SMYD4: variants seen among roughly 807,000 people sequenced by gnomAD.
SMYD4 encodes SET and MYND domain containing 4, also known as protein-lysine N-methyltransferase SMYD4.
SMYD4 carries 68 observed loss-of-function variants against 72.8 expected under a neutral mutation model. That is an observed-to-expected ratio of 0.93 (90% CI 0.77 to 1.14). SMYD4 has a LOEUF of 1.14. SMYD4 is among the 50% of genes most tolerant of loss of function. The probability of loss-of-function intolerance (pLI) is 0.00; values close to 1 mark genes in which losing one functional copy is unlikely to be tolerated. For synonymous variants in SMYD4, 407 were observed against 388.6 expected (o/e 1.05, Z -0.56); for missense variants, 984 against 1,003.7 (o/e 0.98, Z 0.27).
At chr17:1,792,233 G>C (rs777809747) in intron 5 of SMYD4, among the ~76,000 whole-genome samples, 1 of 151,824 alleles carries the variant, frequency 6.6e-6, no homozygotes, top group African/African-American at 2.4e-5. Flanking sequence ...TAGTAGAGAC[G>C]GGGTTTCACG....
intron 4 of SMYD4, among the ~76,000 whole-genome samples, chr17:1,801,247 C>CT (rs1336739812): frequency 3.0e-4 from 19 of 63,264 alleles, no homozygotes; most frequent in East Asian, 2.2e-3. Context: ...TAAATTTTTT[C>CT]TTTTTTTTTG....
At position 1,801,013 on chromosome 17, in the gene SMYD4, T is replaced by C. The variant is rs1239914103; in HGVS notation, c.381A>G (p.Lys127=). The change falls in exon 5 of 11, where the codon AAA becomes AAG. Residue 127 remains lysine, a synonymous_variant. Transcript: ENST00000305513. Reference sequence around the variant, plus strand: ...CATGTGTCTGTGCTCTGTTAATGTCTTTAAGACACGTCTGAAAACAGAAAG... The same window carrying C: ...CATGTGTCTGTGCTCTGTTAATGTCCTTAAGACACGTCTGAAAACAGAAAG... The part of the protein sequence containing the change: ...FHLGQYETCL[K]DINRAQTHGY... The C allele has an allele frequency of 1.3e-6, 2 of 1,598,488 alleles. No individual in the cohort carries two copies. The highest frequency in any genetic ancestry group is 1.7e-5 in the Admixed American group (1 of 59,266).
At position 1,787,444 on chromosome 17, in the gene SMYD4, C is replaced by T. The variant is rs1908755958; in HGVS notation, c.1698G>A (p.Gly566=). The T allele has an allele frequency of 6.4e-7, 1 of 1,558,858 alleles. No individual in the cohort carries two copies. Among genetic ancestry groups the T allele is most frequent in the Non-Finnish European group, 8.7e-7 (1 of 1,151,436 alleles). The change falls in exon 6 of 11, where the codon GGG becomes GGA. Residue 566 remains glycine, a synonymous_variant. Transcript: ENST00000305513. ...TIRASQRIRK[G]QEILHCYGPH... ...CACCATAGCAGTGGAGAATCTCTTG[C>T]CCCTTTCTAATCCGCTGTGACGCCC...
chr17:1,822,653 G>T (rs1239554200), intron 2 of SMYD4, among the ~76,000 whole-genome samples: 2 of 152,070 alleles, frequency 1.3e-5, no homozygotes, highest in Admixed American at 6.6e-5. Context: ...TAGAGACAGG[G>T]TTTCATTCAC....
chr17:1,804,747 A>G (rs764600820), intron 3 of SMYD4, 32 bp from the exon 4 acceptor site: 5 of 1,596,464 alleles, frequency 3.1e-6, no homozygotes, highest in Non-Finnish European at 4.3e-6. Flanking sequence ...AAAAGTATAA[A>G]TGGACACCAG....
intron 2 of SMYD4, among the ~76,000 whole-genome samples, chr17:1,813,466 G>A (rs1205850453): frequency 6.6e-6 from 1 of 152,042 alleles, no homozygotes; most frequent in Admixed American, 6.6e-5. Flanking sequence ...TGCCCAGGCT[G>A]TAGTGCAGCA....
intron 4 of SMYD4, chr17:1,804,298 G>A: frequency 8.2e-6 from 2 of 243,260 alleles, no homozygotes; most frequent in Non-Finnish European, 8.3e-6. Flanking sequence ...AGCCTCCTGA[G>A]TAGCTGGGAC....
At chr17:1,792,977 G>A (rs1464453307) in intron 5 of SMYD4, among the ~76,000 whole-genome samples, 1 of 151,904 alleles carries the variant, frequency 6.6e-6, no homozygotes, top group Non-Finnish European at 1.5e-5. Context: ...TGTTGCAATG[G>A]GGTGATCTCA....
intron 2 of SMYD4, among the ~76,000 whole-genome samples, chr17:1,825,268 C>A (rs1911104610): frequency 1.3e-5 from 2 of 152,080 alleles, no homozygotes; most frequent in Admixed American, 6.6e-5. Context: ...ACATAGTACA[C>A]AAAATCAATT....
intron 5 of SMYD4, among the ~76,000 whole-genome samples, chr17:1,794,948 C>A (rs1355370689): frequency 2.6e-5 from 4 of 152,206 alleles, no homozygotes; most frequent in African/African-American, 9.6e-5. Flanking sequence ...AATTAAAATA[C>A]CTTTGCCTTT....
At chr17:1,791,898 A>G (rs1012579625) in intron 5 of SMYD4, among the ~76,000 whole-genome samples, 1 of 152,124 alleles carries the variant, frequency 6.6e-6, no homozygotes, top group African/African-American at 2.4e-5. Context: ...AAAACAAACA[A>G]AAAACCACTA....
At chr17:1,826,514 A>G (rs28532646) in intron 2 of SMYD4, among the ~76,000 whole-genome samples, 1,666 of 103,888 alleles carry the variant, frequency 0.016, 50 homozygotes, top group African/African-American at 0.045. Flanking sequence ...AAAAAAAAAA[A>G]AAAAGAAAAG....
intron 9 of SMYD4, 63 bp from the exon 10 acceptor site, chr17:1,783,221 CA>C: frequency 6.2e-7 from 1 of 1,612,882 alleles, no homozygotes; most frequent in African/African-American, 1.3e-5. Flanking sequence ...TGCATATTTT[CA>C]GGGGGAGGAA....
intron 3 of SMYD4, among the ~76,000 whole-genome samples, chr17:1,810,719 A>C (rs896114005): frequency 1.3e-5 from 2 of 152,222 alleles, no homozygotes; most frequent in Non-Finnish European, 2.9e-5. Context: ...CACGCCCCCC[A>C]GCCTGGGCCT....
chr17:1,781,807 C>CAGT (rs1399096331), intron 10 of SMYD4: 3 of 177,826 alleles, frequency 1.7e-5, no homozygotes, highest in African/African-American at 7.2e-5. Flanking sequence ...AGCTGGATTA[C>CAGT]AGGCGTGAGC....
chr17:1,789,194 C>T (rs1182782714), intron 5 of SMYD4, among the ~76,000 whole-genome samples: 1 of 151,732 alleles, frequency 6.6e-6, no homozygotes, highest in East Asian at 1.9e-4. Flanking sequence ...TCGAGAGTAG[C>T]CTGGCCAAAA....
chr17:1,826,408 C>T (rs1337175360), intron 2 of SMYD4, among the ~76,000 whole-genome samples: 2 of 144,364 alleles, frequency 1.4e-5, no homozygotes, highest in Non-Finnish European at 3.0e-5. Context: ...AGGAGAATCA[C>T]TTGAACTTGG....
rs572219001 is a variant in SMYD4 at position 1,808,419 on chromosome 17, C to T, written c.279+3552G>A. 4.6e-5 allele frequency among the ~76,000 whole-genome samples: 7 copies of T among 152,120 alleles called. No individual in the cohort carries two copies. The South Asian group carries it at 6.2e-4, about 14-fold the overall frequency. On this transcript the variant is annotated intron_variant, in intron 3 of 10. Coordinates refer to ENST00000305513, the MANE Select transcript of SMYD4 (RefSeq NM_052928.3). ...ATTTTGTAAAAGAAAAACGTATTTT[C>T]GGAGGAAAAAGTCTGGCTGGATGGA...
rs775381864 is a variant in SMYD4 at position 1,800,449 on chromosome 17, G to A, written c.945C>T (p.Ala315=). The A allele has an allele frequency of 1.9e-6, 3 of 1,614,146 alleles. No homozygotes were observed. The South Asian group carries it at 3.3e-5, about 18-fold the overall frequency. Residue 315 remains alanine (A), a synonymous_variant, in exon 5 of 11, where the codon GCC becomes GCT. Coordinates refer to ENST00000305513, the MANE Select transcript of SMYD4 (RefSeq NM_052928.3). ...GCAAACACTCCTGGCTGCAATACTT[G>A]GCATAACTGCATCCGTCACACGGAA... The part of the protein sequence containing the change: ...ATVPCDGCSY[A]KYCSQECLQQ...
Sources: gnomAD v4.1 joint callset for allele counts (sites outside exome capture counted in the v4.1 genomes callset) on GRCh38, gnomAD v4.1.1 for gene constraint, MANE v1.5 for transcripts, NCBI Gene and HGNC (gene_info 2026-07-23, HGNC 2026-07-21) for gene names.